The following OPCML variants were observed in gnomAD, a reference collection of about 807,000 sequenced individuals.
OPCML encodes the protein opioid binding protein/cell adhesion molecule like, also known as opioid-binding protein/cell adhesion molecule.
OPCML carries 13 observed loss-of-function variants against 37.8 expected under a neutral mutation model. That is an observed-to-expected ratio of 0.34 (90% CI 0.22 to 0.55). OPCML has a LOEUF of 0.55. OPCML is among the 20% of genes least tolerant of loss of function. OPCML has a pLI of 0.91. For synonymous variants in OPCML, 176 were observed against 168.8 expected (o/e 1.04, Z -0.33); for missense variants, 341 against 435.6 (o/e 0.78, Z 1.93).
chr11:132,740,989 C>T (rs1368253686), intron 2 of OPCML, among the ~76,000 whole-genome samples: 2 of 152,172 alleles, frequency 1.3e-5, no homozygotes, highest in Non-Finnish European at 2.9e-5. Flanking sequence ...GACAGTATGA[C>T]GTGAAGCTCA....
chr11:132,588,881 G>A lies in OPCML; in HGVS notation c.380-59695C>T, dbSNP rs577825545. 8.5e-5 allele frequency among the ~76,000 whole-genome samples: 13 copies of A among 152,128 alleles called. No individual in the cohort carries two copies. In the South Asian group the frequency reaches 1.2e-3, roughly 15 times the overall value. On this transcript the variant is annotated intron_variant, in intron 3 of 7. Coordinates refer to ENST00000524381, the MANE Select transcript of OPCML (RefSeq NM_001012393.5). ...CAGAAGCACTTCCCAATAAACTCTC[G>A]GCAAGCAACTCTATCTCAGATTCTG...
At chr11:132,801,733 G>A (rs11223213) in intron 2 of OPCML, among the ~76,000 whole-genome samples, 70,158 of 151,972 alleles carry the variant, frequency 0.46, 16,516 homozygotes, top group Middle Eastern at 0.49. Flanking sequence ...ACCTGCTTAT[G>A]CCTCTCAGGT....
At chr11:132,975,928 G>C (rs1420575324) in intron 1 of OPCML, among the ~76,000 whole-genome samples, 2 of 152,058 alleles carry the variant, frequency 1.3e-5, no homozygotes, top group Non-Finnish European at 2.9e-5. Context: ...CCGCCACCAT[G>C]CCCGGCTAAT....
chr11:132,766,291 T>C (rs574093428), intron 2 of OPCML, among the ~76,000 whole-genome samples: 1 of 152,244 alleles, frequency 6.6e-6, no homozygotes, highest in African/African-American at 2.4e-5. Context: ...GGAAAGTTAT[T>C]TACATAGTCT....
At chr11:133,082,217 G>C (rs1408213175) in intron 1 of OPCML, among the ~76,000 whole-genome samples, 1 of 151,484 alleles carries the variant, frequency 6.6e-6, no homozygotes, top group Non-Finnish European at 1.5e-5. Context: ...GCGTCCGCAC[G>C]ACCCGGGGTC....
chr11:132,914,025 T>A (rs1445132371), intron 2 of OPCML, among the ~76,000 whole-genome samples: 1 of 152,230 alleles, frequency 6.6e-6, no homozygotes, highest in African/African-American at 2.4e-5. Flanking sequence ...GAAGGACAAC[T>A]TGATTGTCTC....
chr11:132,558,220 T>C (rs373511360), intron 3 of OPCML, among the ~76,000 whole-genome samples: 1 of 151,798 alleles, frequency 6.6e-6, no homozygotes, highest in African/African-American at 2.4e-5. Flanking sequence ...TCCTTTCTCT[T>C]TTTCTTCTTC....
intron 3 of OPCML, among the ~76,000 whole-genome samples, chr11:132,623,585 T>C (rs545221723): frequency 4.6e-5 from 7 of 152,296 alleles, no homozygotes; most frequent in African/African-American, 1.7e-4. Context: ...CATTTTATTA[T>C]ATACACTGTT....
At chr11:133,263,420 C>T (rs1490338324) in intron 1 of OPCML, among the ~76,000 whole-genome samples, 1 of 152,164 alleles carries the variant, frequency 6.6e-6, no homozygotes, top group Non-Finnish European at 1.5e-5. Context: ...ACAGTCACTG[C>T]TGTACAGGGG....
chr11:133,121,395 G>A (rs1311418035), intron 1 of OPCML, among the ~76,000 whole-genome samples: 1 of 152,196 alleles, frequency 6.6e-6, no homozygotes, highest in Non-Finnish European at 1.5e-5. Context: ...TGCCTGCCAA[G>A]AATAGGTATT....
intron 1 of OPCML, among the ~76,000 whole-genome samples, chr11:133,186,499 A>G (rs1478265073): frequency 6.6e-6 from 1 of 151,598 alleles, no homozygotes; most frequent in Non-Finnish European, 1.5e-5. Context: ...GAGAGAGTAG[A>G]AAAAAGGCGG....
chr11:132,555,487 C>T (rs1355508103), intron 3 of OPCML, among the ~76,000 whole-genome samples: 2 of 152,260 alleles, frequency 1.3e-5, no homozygotes, highest in East Asian at 3.9e-4. Flanking sequence ...TTATCTCCCA[C>T]CAGGTCCCTC....
At chr11:133,199,226 T>A (rs1193476007) in intron 1 of OPCML, among the ~76,000 whole-genome samples, 1 of 152,084 alleles carries the variant, frequency 6.6e-6, no homozygotes, top group Non-Finnish European at 1.5e-5. Context: ...AAGAGGGAAT[T>A]GTAGGTGGAG....
At chr11:132,946,903 C>A (rs1945756565) in intron 1 of OPCML, among the ~76,000 whole-genome samples, 1 of 152,188 alleles carries the variant, frequency 6.6e-6, no homozygotes, top group African/African-American at 2.4e-5. Flanking sequence ...TCTAGTATCA[C>A]CAGACGGGAA....
intron 1 of OPCML, among the ~76,000 whole-genome samples, chr11:133,346,718 C>T (rs778866615): frequency 6.6e-6 from 1 of 152,118 alleles, no homozygotes; most frequent in Non-Finnish European, 1.5e-5. Flanking sequence ...ATCAGAAAAC[C>T]TGGGTTCCAA....
chr11:132,661,668 A>G (rs984945860), intron 2 of OPCML, among the ~76,000 whole-genome samples: 1 of 152,234 alleles, frequency 6.6e-6, no homozygotes, highest in Non-Finnish European at 1.5e-5. Flanking sequence ...ATTATTTCAG[A>G]TATTTAAAAT....
intron 1 of OPCML, among the ~76,000 whole-genome samples, chr11:133,309,785 G>A (rs1021563967): frequency 6.6e-6 from 1 of 152,182 alleles, no homozygotes; most frequent in African/African-American, 2.4e-5. Context: ...GATGGATAGA[G>A]GACAGGGGAG....
At chr11:132,880,786 A>G (rs188011531) in intron 2 of OPCML, among the ~76,000 whole-genome samples, 16 of 152,352 alleles carry the variant, frequency 1.1e-4, no homozygotes, top group Admixed American at 3.3e-4. Context: ...TTGCATACCA[A>G]TTTCAAGTAA....
intron 1 of OPCML, among the ~76,000 whole-genome samples, chr11:133,531,744 GGAGAGA>G (rs10567773): frequency 5.0e-4 from 69 of 137,246 alleles, no homozygotes; most frequent in Non-Finnish European, 6.2e-4. Flanking sequence ...AGGTGGAGAG[GGAGAGA>G]GAGAGAGAGA....
Sources: allele counts gnomAD v4.1 joint callset (sites outside exome capture counted in the v4.1 genomes callset), GRCh38; gene constraint gnomAD v4.1.1; transcripts MANE v1.5; gene names NCBI Gene and HGNC (gene_info 2026-07-23, HGNC 2026-07-21).